DNAH14: variants seen among roughly 807,000 people sequenced by gnomAD.
The protein encoded by DNAH14 is dynein axonemal heavy chain 14.
Under a neutral mutation model 520.9 loss-of-function variants are expected in DNAH14, and 478 were observed. The observed-to-expected ratio is 0.92, with a 90% CI of 0.85 to 0.99. DNAH14 has a LOEUF of 0.99. DNAH14 is among the 50% of genes least tolerant of loss of function. The pLI is 0.00. For synonymous variants in DNAH14, 1,581 were observed against 1,757.2 expected, an observed-to-expected ratio of 0.90 and a Z score of 2.51; for missense variants, 4,831 against 5,234.5, an observed-to-expected ratio of 0.92 and a Z score of 2.38.
At position 224,960,278 on chromosome 1, in the gene DNAH14, A is replaced by G; in HGVS notation, c.343A>G (p.Arg115Gly). ...THACPNVRKA[R>G]PVSYDRTEPK... is the part of the protein sequence containing the mutation. ...TGCTTGTCCAAATGTTAGGAAAGCC[A>G]GGCCTGTGTCCTATGATAGAACAGG... is the stretch of plus-strand genomic sequence containing the variant. The change falls in exon 4 of 86, where the codon AGG (arginine) becomes GGG (glycine). Residue 115 changes from arginine to glycine, a missense_variant. By Grantham distance (125) the Arg-to-Gly change is moderately radical. Transcript: ENST00000682510. 1 of 1,608,616 alleles carries G rather than the reference A, an allele frequency of 6.2e-7. No individual in the cohort carries two copies. The highest frequency in any genetic ancestry group is 1.1e-5 in the South Asian group (1 of 90,104).
At position 225,346,234 on chromosome 1, in the gene DNAH14, C is replaced by T; in HGVS notation, c.10951C>T (p.His3651Tyr). The change falls in exon 70 of 86, where the codon CAT becomes TAT. Residue 3651 changes from histidine to tyrosine, a missense_variant. Transcript: ENST00000682510. Reference sequence around the variant, plus strand: ...AGTTTCCAAAAGCAAAGAACAAGAACATAGTTTTAAAAGGGAGAAAGTGTC... The same window carrying T: ...AGTTTCCAAAAGCAAAGAACAAGAATATAGTTTTAAAAGGGAGAAAGTGTC... ...SVVSKSKEQE[H>Y]SFKREKVSPK... 1 of 1,551,534 alleles carries T rather than the reference C, an allele frequency of 6.4e-7. No homozygotes were observed. Among genetic ancestry groups the T allele is most frequent in the Non-Finnish European group, 8.7e-7 (1 of 1,146,936 alleles).
Position 225,337,293 on chromosome 1 carries a change from C to T in DNAH14, c.10108C>T (p.Pro3370Ser). The T allele has an allele frequency of 6.4e-7, 1 of 1,551,866 alleles. No individual in the cohort carries two copies. Among genetic ancestry groups the T allele is most frequent in the Non-Finnish European group, 8.7e-7 (1 of 1,146,994 alleles). The change falls in exon 67 of 86, where the codon CCT becomes TCT. Residue 3370 changes from proline to serine, a missense_variant. Transcript: ENST00000682510. ...EISRWHNQGL[P>S]HGQYSVENAI... ...CAGCCGATGGCATAATCAGGGACTG[C>T]CTCATGGTCAGTATTCAGTAGAGAA... is the stretch of plus-strand genomic sequence containing the variant.
chr1:225,384,415 T>C (rs2095816523), intron 81 of DNAH14, among the ~76,000 whole-genome samples: 1 of 152,074 alleles, frequency 6.6e-6, no homozygotes, highest in Non-Finnish European at 1.5e-5. Context: ...CAAAAAAACC[T>C]TCAAAAAATC....
chr1:225,393,530 A>T (rs2095950749), intron 84 of DNAH14, among the ~76,000 whole-genome samples: 1 of 152,184 alleles, frequency 6.6e-6, no homozygotes, highest in South Asian at 2.1e-4. Context: ...GGTGATAGGA[A>T]TTTTTCAGCT....
At chr1:225,180,634 A>T (rs776165031) in intron 36 of DNAH14, among the ~76,000 whole-genome samples, 1 of 152,128 alleles carries the variant, frequency 6.6e-6, no homozygotes, top group South Asian at 2.1e-4. Context: ...TAATCTATTC[A>T]TGAAGGATCC....
intron 37 of DNAH14, among the ~76,000 whole-genome samples, chr1:225,186,642 T>C (rs1045462040): frequency 2.6e-5 from 4 of 151,856 alleles, no homozygotes; most frequent in African/African-American, 7.2e-5. Context: ...TTATTTATTC[T>C]ACACTAAATA....
intron 21 of DNAH14, among the ~76,000 whole-genome samples, chr1:225,089,281 T>C (rs925505170): frequency 7.9e-5 from 12 of 151,534 alleles, no homozygotes; most frequent in Non-Finnish European, 1.6e-4. Context: ...TTGTCTCTAC[T>C]AAAAATACAA....
chr1:225,142,653 G>C (rs115887335), intron 28 of DNAH14, among the ~76,000 whole-genome samples: 12,460 of 152,184 alleles, frequency 0.082, 1,639 homozygotes, highest in African/African-American at 0.28. Flanking sequence ...ATAAGGCCAG[G>C]CATGGTGGCT....
intron 22 of DNAH14, among the ~76,000 whole-genome samples, chr1:225,098,366 C>A (rs1394484666): frequency 6.6e-6 from 1 of 152,064 alleles, no homozygotes; most frequent in Admixed American, 6.6e-5. Flanking sequence ...CAAGTTGAGA[C>A]AAATAAATTA....
chr1:225,370,840 T>C (rs1380908850), intron 77 of DNAH14, among the ~76,000 whole-genome samples: 6 of 152,148 alleles, frequency 3.9e-5, no homozygotes, highest in Non-Finnish European at 7.4e-5. Context: ...TTTTCATATA[T>C]TTTTTAAAGC....
In DNAH14 at chr1:225,130,762, T is replaced by C. The variant is rs1178375162; in HGVS notation, c.4254+7148T>C. Among the ~76,000 whole-genome samples, 24 of 150,876 alleles carry C rather than the reference T, an allele frequency of 1.6e-4. 1 individual carries two copies. The highest frequency in any genetic ancestry group is 1.6e-3 in the Admixed American group (24 of 15,184). On this transcript the variant is annotated intron_variant, in intron 27 of 85. Coordinates refer to ENST00000682510, the MANE Select transcript of DNAH14 (RefSeq NM_001367479.1). ...GTGCAGCACACCAGCATGGCACATG[T>C]ATACATATGTAACTAACCTGCACAT...
chr1:225,065,777 C>T (rs1018896889), intron 17 of DNAH14, among the ~76,000 whole-genome samples: 2 of 152,124 alleles, frequency 1.3e-5, no homozygotes, highest in East Asian at 3.9e-4. Flanking sequence ...TGTTGATAGA[C>T]ACATAGTGTC....
At chr1:225,249,343 A>C (rs2092445473) in intron 43 of DNAH14, among the ~76,000 whole-genome samples, 1 of 152,206 alleles carries the variant, frequency 6.6e-6, no homozygotes, top group Non-Finnish European at 1.5e-5. Flanking sequence ...ACCAGTAGGG[A>C]CAATCTCTAG....
chr1:225,065,567 G>T (rs533771470), intron 17 of DNAH14, among the ~76,000 whole-genome samples: 1 of 151,882 alleles, frequency 6.6e-6, no homozygotes, highest in Admixed American at 6.6e-5. Context: ...CTTCTTTTAT[G>T]AATTCCACTG....
chr1:224,962,727 T>C (rs2489351), intron 4 of DNAH14, among the ~76,000 whole-genome samples: 14,596 of 152,244 alleles, frequency 0.096, 2,261 homozygotes, highest in African/African-American at 0.33. Flanking sequence ...TGTCATGAAC[T>C]AACCTAACTC....
rs539476764 is a variant in DNAH14, at chr1:225,120,791, T to G, written c.4166+1497T>G. ...GCAAGAAACCCTGAAAAAATGAATC[T>G]GGGCATTTAAGCAAAAAAGACAAGC... On this transcript the variant is annotated intron_variant, in intron 26 of 85. Transcript: ENST00000682510. Among the ~76,000 whole-genome samples, 6 of 152,336 alleles carry G rather than the reference T, an allele frequency of 3.9e-5. No homozygotes were observed. In the South Asian group the frequency reaches 1.2e-3, roughly 32 times the overall value.
intron 44 of DNAH14, among the ~76,000 whole-genome samples, chr1:225,256,903 TA>T (rs59571521): frequency 6.7e-5 from 10 of 149,414 alleles, no homozygotes; most frequent in South Asian, 6.3e-4. Flanking sequence ...TTTGCTATTT[TA>T]AAAAAAAAAC....
At chr1:225,059,688 T>G (rs1436817341) in intron 17 of DNAH14, among the ~76,000 whole-genome samples, 1 of 152,170 alleles carries the variant, frequency 6.6e-6, no homozygotes, top group East Asian at 1.9e-4. Flanking sequence ...CCATGTTTAG[T>G]GCTTCCTTCA....
In DNAH14 at chr1:225,345,967, A is replaced by G. The variant is rs765558104; in HGVS notation, c.10684A>G (p.Ile3562Val). The change falls in exon 70 of 86, where the codon ATA becomes GTA. Residue 3562 changes from isoleucine (I) to valine (V), a missense_variant. By Grantham distance (29) the Ile-to-Val change is conservative. Transcript: ENST00000682510. Reference protein sequence around the residue: ...LNLLQKALGSILDDDKIVDTL... With the variant: ...LNLLQKALGSVLDDDKIVDTL... The stretch of plus-strand genomic sequence containing the variant: ...CACTTTTTGTTTGTCTTTAGGATCC[A>G]TATTAGATGATGACAAAATTGTAGA... 1.3e-6 allele frequency: 2 copies of G among 1,548,192 alleles called. No individual in the cohort carries two copies. Among genetic ancestry groups the G allele is most frequent in the Non-Finnish European group, 1.7e-6 (2 of 1,145,408 alleles).
Sources: allele counts gnomAD v4.1 joint callset (sites outside exome capture counted in the v4.1 genomes callset), GRCh38; gene constraint gnomAD v4.1.1; transcripts MANE v1.5; gene names NCBI Gene and HGNC (gene_info 2026-07-23, HGNC 2026-07-21).